The following SHISA6 variants were observed in gnomAD, a reference collection of about 807,000 sequenced individuals.
SHISA6 encodes shisa family member 6.
SHISA6 carries 22 observed loss-of-function variants against 47.9 expected under a neutral mutation model. That is an observed-to-expected ratio of 0.46 (90% CI 0.33 to 0.66). SHISA6 has a LOEUF of 0.66. Ranked by LOEUF, SHISA6 falls within the 30% of genes least tolerant of loss-of-function variation. The pLI is 0.02. For synonymous variants in SHISA6, 388 were observed against 337.8 expected, an observed-to-expected ratio of 1.15 and a Z score of -1.63; for missense variants, 680 against 764.6, an observed-to-expected ratio of 0.89 and a Z score of 1.30.
intron 3 of SHISA6, among the ~76,000 whole-genome samples, chr17:11,439,151 C>G (rs528853347): frequency 6.6e-6 from 1 of 152,280 alleles, no homozygotes; most frequent in African/African-American, 2.4e-5. Context: ...AATTTCCAAG[C>G]ATTTTCAGTT....
chr17:11,378,262 A>C (rs144124819), intron 2 of SHISA6, among the ~76,000 whole-genome samples: 118 of 152,366 alleles, frequency 7.7e-4, no homozygotes, highest in African/African-American at 2.7e-3. Flanking sequence ...GACAGAAGAA[A>C]TAGCACTCGT....
intron 3 of SHISA6, among the ~76,000 whole-genome samples, chr17:11,404,089 A>G (rs1443658829): frequency 6.6e-6 from 1 of 152,218 alleles, no homozygotes; most frequent in East Asian, 1.9e-4. Context: ...GTTCAGTCAA[A>G]ATAAAAATAT....
chr17:11,523,767 A>G (rs2071651543), intron 3 of SHISA6, among the ~76,000 whole-genome samples: 1 of 152,198 alleles, frequency 6.6e-6, no homozygotes, highest in African/African-American at 2.4e-5. Flanking sequence ...GCACTTTGGG[A>G]GGCCGAGGTG....
chr17:11,524,838 A>G (rs553919899), intron 3 of SHISA6, among the ~76,000 whole-genome samples: 22 of 152,248 alleles, frequency 1.4e-4, no homozygotes, highest in African/African-American at 5.3e-4. Context: ...AGCATCAGTC[A>G]CTTCTATAAT....
intron 3 of SHISA6, among the ~76,000 whole-genome samples, chr17:11,517,134 A>G (rs1345860698): frequency 6.6e-6 from 1 of 152,200 alleles, no homozygotes; most frequent in Non-Finnish European, 1.5e-5. Flanking sequence ...TCAATTTAGA[A>G]GTTTCGTTTT....
intron 3 of SHISA6, among the ~76,000 whole-genome samples, chr17:11,465,132 A>T (rs911877997): frequency 6.6e-6 from 1 of 152,098 alleles, no homozygotes; most frequent in African/African-American, 2.4e-5. Context: ...TATGTCCCAA[A>T]GGATCTGGTC....
chr17:11,305,641 C>G (rs906411772), intron 2 of SHISA6, among the ~76,000 whole-genome samples: 1 of 152,190 alleles, frequency 6.6e-6, no homozygotes. Flanking sequence ...TTTGGTGTTG[C>G]GGGTGGCTCT....
chr17:11,507,743 T>C (rs1427434852), intron 3 of SHISA6, among the ~76,000 whole-genome samples: 1 of 152,232 alleles, frequency 6.6e-6, no homozygotes, highest in African/African-American at 2.4e-5. Context: ...ATTGTTTTAA[T>C]GTGTCTCTTG....
At chr17:11,500,253 G>A (rs2071440449) in intron 3 of SHISA6, among the ~76,000 whole-genome samples, 2 of 152,136 alleles carry the variant, frequency 1.3e-5, no homozygotes, top group African/African-American at 2.4e-5. Flanking sequence ...TCTCACTTAC[G>A]GGAGGTGTCA....
chr17:11,289,926 TC>T (rs1182362517), intron 2 of SHISA6: 3 of 146,156 alleles, frequency 2.1e-5, no homozygotes, highest in Non-Finnish European at 4.6e-5. Flanking sequence ...ATTTATTATT[TC>T]CTTTTAAATA....
At chr17:11,547,913 T>A (rs185042447) in intron 3 of SHISA6, among the ~76,000 whole-genome samples, 105 of 152,280 alleles carry the variant, frequency 6.9e-4, no homozygotes, top group African/African-American at 2.4e-3. Context: ...GTCCAATGGA[T>A]TTTTTTAAAG....
intron 1 of SHISA6, among the ~76,000 whole-genome samples, chr17:11,247,067 T>C (rs1907620871): frequency 6.6e-6 from 1 of 152,176 alleles, no homozygotes; most frequent in South Asian, 2.1e-4. Flanking sequence ...GTTTACCCAC[T>C]GTTCTAGGCT....
intron 3 of SHISA6, among the ~76,000 whole-genome samples, chr17:11,524,590 G>A (rs1354708799): frequency 6.6e-6 from 1 of 150,936 alleles, no homozygotes; most frequent in East Asian, 2.0e-4. Context: ...TCTGCCTCCC[G>A]GGTTCAAGCG....
intron 2 of SHISA6, among the ~76,000 whole-genome samples, chr17:11,287,493 T>G (rs1909351321): frequency 6.6e-6 from 1 of 150,932 alleles, no homozygotes; most frequent in South Asian, 2.1e-4. Context: ...GGAGACCATC[T>G]TAGGCAAAAT....
rs534799805 is a variant in SHISA6, at chr17:11,286,384, C to T, written c.799+22858C>T. Reference sequence around the variant, plus strand: ...ATTCCCATACCCCTTTGACCACCTACGGAAGCCTTATCCCCTAAGACTTAC... The same window carrying T: ...ATTCCCATACCCCTTTGACCACCTATGGAAGCCTTATCCCCTAAGACTTAC... On this transcript the variant is annotated intron_variant, in intron 2 of 5. Transcript: ENST00000441885. Among the ~76,000 whole-genome samples, 13 of 152,274 alleles carry T rather than the reference C, an allele frequency of 8.5e-5. No individual in the cohort carries two copies. The South Asian group carries it at 1.9e-3, about 22-fold the overall frequency.
intron 2 of SHISA6, among the ~76,000 whole-genome samples, chr17:11,286,342 T>C (rs1286872833): frequency 6.6e-6 from 1 of 152,172 alleles, no homozygotes; most frequent in Non-Finnish European, 1.5e-5. Flanking sequence ...TTGTTTTTGC[T>C]ATTCTCTGCC....
chr17:11,463,924 G>A (rs1337987029), intron 3 of SHISA6, among the ~76,000 whole-genome samples: 1 of 151,972 alleles, frequency 6.6e-6, no homozygotes, highest in East Asian at 1.9e-4. Context: ...TTTTTTTTGT[G>A]TGTTTGTTTT....
intron 3 of SHISA6, among the ~76,000 whole-genome samples, chr17:11,412,167 G>A (rs1250251380): frequency 6.6e-6 from 1 of 152,040 alleles, no homozygotes; most frequent in African/African-American, 2.4e-5. Flanking sequence ...TGAGTCCTTG[G>A]AAAAAATCAT....
At chr17:11,435,404 C>T (rs1914909549) in intron 3 of SHISA6, among the ~76,000 whole-genome samples, 1 of 151,912 alleles carries the variant, frequency 6.6e-6, no homozygotes, top group Admixed American at 6.6e-5. Flanking sequence ...TATATCTGTC[C>T]TCAGTATCTG....
Sources: gnomAD v4.1 joint callset for allele counts (sites outside exome capture counted in the v4.1 genomes callset) on GRCh38, gnomAD v4.1.1 for gene constraint, MANE v1.5 for transcripts, NCBI Gene and HGNC (gene_info 2026-07-23, HGNC 2026-07-21) for gene names.